The following DTNB variants were observed in gnomAD, a reference collection of about 807,000 sequenced individuals.
DTNB encodes dystrobrevin beta.
DTNB carries 63 observed loss-of-function variants against 90.7 expected under a neutral mutation model. That is an observed-to-expected ratio of 0.69 (90% CI 0.57 to 0.86). The LOEUF is 0.86. Among genes scored for constraint, DTNB ranks in the 40% least tolerant of loss-of-function variants. The probability of loss-of-function intolerance (pLI) is 0.00; values close to 1 mark genes in which losing one functional copy is unlikely to be tolerated. For synonymous variants in DTNB, 277 were observed against 286.7 expected, an observed-to-expected ratio of 0.97 and a Z score of 0.34; for missense variants, 744 against 807.1, an observed-to-expected ratio of 0.92 and a Z score of 0.95.
chr2:25,522,294 C>CACAAAGAAAT (rs2076283710), intron 9 of DTNB, among the ~76,000 whole-genome samples: 1 of 152,168 alleles, frequency 6.6e-6, no homozygotes, highest in Non-Finnish European at 1.5e-5. Context: ...ATATGCCTGA[C>CACAAAGAAAT]ATCTAGTGGT....
chr2:25,551,699 C>A (rs1318539961), intron 8 of DTNB, among the ~76,000 whole-genome samples: 1 of 152,176 alleles, frequency 6.6e-6, no homozygotes, highest in Non-Finnish European at 1.5e-5. Flanking sequence ...CTTACCATTT[C>A]TATGGATTTG....
chr2:25,457,041 A>G lies in DTNB; in HGVS notation c.1080-1547T>C, dbSNP rs564331877. ...TTTTCTTTTTTTGAGACGGAGTATC[A>G]CTCTGTCACCCAGGCTGGAGTGCAG... On this transcript the variant is annotated intron_variant, in intron 10 of 20. Coordinates refer to ENST00000406818, the MANE Select transcript of DTNB (RefSeq NM_021907.5). Among the ~76,000 whole-genome samples, 4 of 149,790 alleles carry G rather than the reference A, an allele frequency of 2.7e-5. No homozygotes were observed. The East Asian group carries it at 6.0e-4, about 22-fold the overall frequency.
At chr2:25,541,571 C>G (rs766925570) in intron 8 of DTNB, among the ~76,000 whole-genome samples, 2 of 152,030 alleles carry the variant, frequency 1.3e-5, no homozygotes, top group Non-Finnish European at 1.5e-5. Flanking sequence ...CATGTTGTTG[C>G]GCAACCAATC....
chr2:25,388,587 A>C (rs527769033), intron 16 of DTNB: 4 of 532,322 alleles, frequency 7.5e-6, no homozygotes, highest in Non-Finnish European at 3.2e-6. Context: ...CATCCTAAGA[A>C]CAAGACCAAG....
intron 9 of DTNB, among the ~76,000 whole-genome samples, chr2:25,513,812 A>G (rs1190621321): frequency 1.3e-5 from 2 of 151,994 alleles, no homozygotes; most frequent in African/African-American, 4.8e-5. Flanking sequence ...CACTGATATC[A>G]TTTAATAACC....
chr2:25,556,456 AC>A (rs1308658887), intron 8 of DTNB, among the ~76,000 whole-genome samples: 1 of 152,232 alleles, frequency 6.6e-6, no homozygotes, highest in East Asian at 1.9e-4. Context: ...CATAAAATGA[AC>A]ATTTCCAAAA....
intron 8 of DTNB, 133 bp from the exon 9 acceptor site, chr2:25,531,730 A>G (rs1193341191): frequency 2.4e-6 from 3 of 1,246,340 alleles, no homozygotes; most frequent in Non-Finnish European, 3.2e-6. Flanking sequence ...TTACATCAAT[A>G]TCATTGGGCC....
rs547643066 is a variant in DTNB, at chr2:25,649,197, G to A, written c.67+3397C>T. On this transcript the variant is annotated intron_variant, in intron 2 of 20. Coordinates refer to ENST00000406818, the MANE Select transcript of DTNB (RefSeq NM_021907.5). ...TTTTTTTGTATTTTTAGTAGAGACG[G>A]GGTTTCACCATGTTAGCCAGGATGG... 7.9e-5 allele frequency among the ~76,000 whole-genome samples: 12 copies of A among 151,868 alleles called. No homozygotes were observed. In the South Asian group the frequency reaches 2.5e-3, roughly 32 times the overall value.
chr2:25,473,476 G>GCATGTGTGTGTT (rs1408531795), intron 10 of DTNB, among the ~76,000 whole-genome samples: 3 of 152,192 alleles, frequency 2.0e-5, no homozygotes, highest in Non-Finnish European at 4.4e-5. Flanking sequence ...TTTTTTAAAA[G>GCATGTGTGTGTT]CATGTGTGTG....
At chr2:25,519,645 G>A (rs1284556912) in intron 9 of DTNB, among the ~76,000 whole-genome samples, 1 of 152,142 alleles carries the variant, frequency 6.6e-6, no homozygotes, top group Non-Finnish European at 1.5e-5. Flanking sequence ...AGATGCACCA[G>A]TGAGCATTTC....
chr2:25,420,421 T>C (rs573719725), intron 15 of DTNB, among the ~76,000 whole-genome samples: 6 of 152,200 alleles, frequency 3.9e-5, no homozygotes, highest in Non-Finnish European at 8.8e-5. Flanking sequence ...AGTCCTCTTA[T>C]GCAGAAAGCA....
intron 18 of DTNB, among the ~76,000 whole-genome samples, chr2:25,386,264 C>A (rs1017267708): frequency 6.6e-6 from 1 of 152,246 alleles, no homozygotes; most frequent in African/African-American, 2.4e-5. Context: ...AGTCCCATGA[C>A]AACCCTAAAC....
At chr2:25,496,235 G>A (rs925581572) in intron 9 of DTNB, among the ~76,000 whole-genome samples, 7 of 152,160 alleles carry the variant, frequency 4.6e-5, no homozygotes, top group African/African-American at 1.7e-4. Context: ...CAAATCAACA[G>A]AAATGTATTT....
intron 4 of DTNB, among the ~76,000 whole-genome samples, chr2:25,614,759 C>T (rs931362125): frequency 1.3e-5 from 2 of 152,102 alleles, no homozygotes; most frequent in African/African-American, 2.4e-5. Context: ...GAGATGGAGG[C>T]GGGGAAAAAC....
intron 12 of DTNB, among the ~76,000 whole-genome samples, chr2:25,442,566 G>A (rs774295594): frequency 2.4e-4 from 36 of 152,104 alleles, no homozygotes; most frequent in Admixed American, 5.9e-4. Flanking sequence ...GACAGAACTG[G>A]GTCATTGTAG....
chr2:25,663,070 AC>A (rs796332665), intron 1 of DTNB, among the ~76,000 whole-genome samples: 8 of 130,232 alleles, frequency 6.1e-5, no homozygotes, highest in African/African-American at 2.9e-5. Context: ...CTTGGCCCCC[AC>A]CCCCCAACAG....
At position 25,494,609 on chromosome 2, in the gene DTNB, G is replaced by A. The variant is rs186396761; in HGVS notation, c.1002-11736C>T. 2.5e-3 allele frequency among the ~76,000 whole-genome samples: 388 copies of A among 152,264 alleles called. 6 individuals are homozygous for A. In the South Asian group the frequency reaches 0.041, roughly 16 times the overall value. ...TTCCAGGATGTTGGAATGTCATTAG[G>A]ACGTTTACTGTTACCTTTGCTTAGA... On this transcript the variant is annotated intron_variant, in intron 9 of 20. Transcript: ENST00000406818.
At chr2:25,470,653 A>C (rs1487525833) in intron 10 of DTNB, among the ~76,000 whole-genome samples, 1 of 152,170 alleles carries the variant, frequency 6.6e-6, no homozygotes, top group Non-Finnish European at 1.5e-5. Flanking sequence ...CCAGGATTAC[A>C]GGTGTGAGCC....
intron 8 of DTNB, among the ~76,000 whole-genome samples, chr2:25,542,519 T>C (rs545306564): frequency 6.6e-6 from 1 of 152,326 alleles, no homozygotes; most frequent in East Asian, 1.9e-4. Flanking sequence ...ACCAATGTTA[T>C]TCCCTCTAGC....
Sources: allele counts gnomAD v4.1 joint callset (sites outside exome capture counted in the v4.1 genomes callset), GRCh38; gene constraint gnomAD v4.1.1; transcripts MANE v1.5; gene names NCBI Gene and HGNC (gene_info 2026-07-23, HGNC 2026-07-21).